SETD1A: variants seen among roughly 807,000 people sequenced by gnomAD.
SETD1A encodes SET domain containing 1A, histone lysine methyltransferase.
SETD1A carries 29 observed loss-of-function variants against 149.9 expected under a neutral mutation model. The observed-to-expected ratio is 0.19, with a 90% confidence interval of 0.14 to 0.26. SETD1A has a LOEUF of 0.26. SETD1A is among the 10% of genes least tolerant of loss of function. The probability of loss-of-function intolerance (pLI) is 1.00; values close to 1 mark genes in which losing one functional copy is unlikely to be tolerated. For missense variants in SETD1A, 2,109 were observed against 2,353.1 expected (o/e 0.90, Z 2.15); for synonymous variants, 1,141 against 968.5 (o/e 1.18, Z -3.31).
rs746152746 is a variant in SETD1A, at chr16:30,958,822, G to C, written c.91G>C (p.Ala31Pro). 5 of 1,614,074 alleles carry C rather than the reference G, an allele frequency of 3.1e-6. No individual in the cohort carries two copies. The highest frequency in any genetic ancestry group is 4.2e-6 in the Non-Finnish European group (5 of 1,180,020). Residue 31 changes from alanine (A) to proline (P), a missense_variant, in exon 2 of 19, where the codon GCC becomes CCC. Physicochemically the swap from Ala to Pro is conservative, Grantham distance 27. This residue lies in a region of SETD1A where 75 missense variants were observed against 95.3 expected (regional missense o/e 0.79). Transcript: ENST00000262519. ...CATCGTGGATCCTGCCTTGGACCCT[G>C]CCCTGCGCAGGCCTTCTCAGAAGGT... ...KLIVDPALDP[A>P]LRRPSQKVYR...
rs367667602 is a variant in SETD1A, at chr16:30,966,133, C to T, written c.2252C>T (p.Pro751Leu). Residue 751 changes from proline (P) to leucine (L), a missense_variant, in exon 8 of 19, where the codon CCC becomes CTC. Pro to Leu is a moderately conservative substitution (Grantham distance 98). Around this residue, in one of 8 missense-constraint regions of SETD1A, gnomAD observed 431 missense variants for 388.6 expected, o/e 1.11. Transcript: ENST00000262519. ...GAYSREAYHLPMPMAAEPLPS... is the reference protein window; with the variant it reads ...GAYSREAYHLLMPMAAEPLPS... ...TACTCACGGGAGGCCTACCACCTGC[C>T]CATGCCAATGGCAGCCGAGCCCCTG... 60 of 1,604,374 alleles carry T rather than the reference C, an allele frequency of 3.7e-5. No individual in the cohort carries two copies. Among genetic ancestry groups the T allele is most frequent in the Non-Finnish European group, 4.4e-5 (52 of 1,174,610 alleles).
Position 30,983,886 on chromosome 16 carries a change from CAGA to C in SETD1A, c.4994_4996del (p.Lys1665del), listed in dbSNP as rs775309574. 1 of 1,611,972 alleles carries C rather than the reference CAGA, an allele frequency of 6.2e-7. No homozygotes were observed. The highest frequency in any genetic ancestry group is 8.5e-7 in the Non-Finnish European group (1 of 1,178,946). ...CGCCAAGGTCATCACCATCGAGTCC[CAGA>C]AGAAGATCGTGATCTACTCCAAGCA... On this transcript the variant is annotated inframe_deletion, in exon 19 of 19. Transcript: ENST00000262519. This position sits in a 1 kb window ranked among gnomAD's most constrained non-coding sequence, Gnocchi z 6.8.
chr16:30,979,859 G>T lies in SETD1A; in HGVS notation c.4073G>T (p.Arg1358Leu). The change falls in exon 14 of 19, where the codon CGG becomes CTG. Residue 1358 changes from arginine (R) to leucine (L), a missense_variant. Arg to Leu is a moderately radical substitution (Grantham distance 102). Coordinates refer to ENST00000262519, the MANE Select transcript of SETD1A (RefSeq NM_014712.3). Reference protein sequence around the residue: ...EPKPQQLQQQREEGEEEGEEE... With the variant: ...EPKPQQLQQQLEEGEEEGEEE... ...AAGCCGCAGCAACTGCAGCAGCAGC[G>T]GGAGGAGGGCGAAGAGGAGGGGGAG... 6.5e-7 allele frequency: 1 copy of T among 1,541,244 alleles called. No homozygotes were observed.
At chr16:30,978,511 G>A (rs74015057) in intron 13 of SETD1A, among the ~76,000 whole-genome samples, 5 of 152,172 alleles carry the variant, frequency 3.3e-5, no homozygotes, top group East Asian at 1.9e-4. Flanking sequence ...CCAGCCACCC[G>A]CATCCTGGGA....
Position 30,964,901 on chromosome 16 carries a change from G to A in SETD1A, c.1159G>A (p.Ala387Thr), listed in dbSNP as rs749302606. 2.5e-6 allele frequency: 4 copies of A among 1,614,198 alleles called. No homozygotes were observed. Among genetic ancestry groups the A allele is most frequent in the Non-Finnish European group, 3.4e-6 (4 of 1,180,030 alleles). Residue 387 changes from alanine (A) to threonine (T), a missense_variant, in exon 7 of 19, where the codon GCC (alanine) becomes ACC (threonine). Physicochemically the swap from Ala to Thr is moderately conservative, Grantham distance 58. Transcript: ENST00000262519. ...QRHTSYPPRRATREEPPGAPF... is the reference protein window; with the variant it reads ...QRHTSYPPRRTTREEPPGAPF... ...CCATACTTCCTACCCACCACGCCGG[G>A]CCACACGGGAGGAACCCCCTGGAGC...
At chr16:30,970,598 C>T (rs1178173205) in intron 12 of SETD1A, among the ~76,000 whole-genome samples, 1 of 152,132 alleles carries the variant, frequency 6.6e-6, no homozygotes, top group Non-Finnish European at 1.5e-5. Context: ...ATTTCCCTGT[C>T]TCTCTTTCTG....
At position 30,966,087 on chromosome 16, in the gene SETD1A, G is replaced by A. The variant is rs936587574; in HGVS notation, c.2206G>A (p.Gly736Arg). The A allele has an allele frequency of 1.3e-6, 2 of 1,591,236 alleles. No individual in the cohort carries two copies. Among genetic ancestry groups the A allele is most frequent in the Admixed American group, 3.4e-5 (2 of 58,406 alleles). ...YGLPYALYAQ[G>R]QEGRGAYSRE... ...CTTGCCGTATGCTCTATATGCACAG[G>A]GGCAGGAGGGCAGAGGGGCATACTC... Residue 736 changes from glycine to arginine, a missense_variant, in exon 8 of 19, where the codon GGG becomes AGG. By Grantham distance (125) the Gly-to-Arg change is moderately radical. Coordinates refer to ENST00000262519, the MANE Select transcript of SETD1A (RefSeq NM_014712.3).
chr16:30,966,791 C>A, intron 8 of SETD1A, 93 bp from the exon 9 acceptor site: 1 of 1,352,464 alleles, frequency 7.4e-7, no homozygotes. Flanking sequence ...CAAGTAGATG[C>A]GTTCTGTATT....
intron 13 of SETD1A, among the ~76,000 whole-genome samples, chr16:30,976,585 A>G (rs940130628): frequency 2.0e-5 from 3 of 152,060 alleles, no homozygotes; most frequent in African/African-American, 7.2e-5. Flanking sequence ...GTGATGTGCT[A>G]GAGGGAAACT....
Position 30,965,906 on chromosome 16 carries a change from G to C in SETD1A, c.2025G>C (p.Gly675=), listed in dbSNP as rs1251796306. ...LMDRLGAQWG[G]MPMSFQMQTQ... ...ACCGACTTGGGGCTCAGTGGGGAGG[G>C]ATGCCCATGTCCTTCCAGATGCAGA... The change falls in exon 8 of 19, where the codon GGG becomes GGC. Residue 675 remains glycine (G), a synonymous_variant. Transcript: ENST00000262519. The C allele has an allele frequency of 6.2e-7, 1 of 1,613,256 alleles. No individual in the cohort carries two copies. Among genetic ancestry groups the C allele is most frequent in the Admixed American group, 1.7e-5 (1 of 59,906 alleles).
At position 30,961,738 on chromosome 16, in the gene SETD1A, C is replaced by T. The variant is rs1388529450; in HGVS notation, c.517+201C>T. Reference sequence around the variant, plus strand: ...GTGTGGTGTCTCCAGCAAGGTCGGGCAATAGGCCATAATCAAGCACATAAC... The same window carrying T: ...GTGTGGTGTCTCCAGCAAGGTCGGGTAATAGGCCATAATCAAGCACATAAC... On this transcript the variant is annotated intron_variant, in intron 4 of 18. Coordinates refer to ENST00000262519, the MANE Select transcript of SETD1A (RefSeq NM_014712.3). The surrounding 1 kb of genome is among the most constrained non-coding windows in gnomAD (Gnocchi z 4.0). 6.7e-6 allele frequency among the ~76,000 whole-genome samples: 1 copy of T among 148,602 alleles called. No individual in the cohort carries two copies. Among genetic ancestry groups the T allele is most frequent in the African/African-American group, 2.5e-5 (1 of 40,032 alleles).
Position 30,976,998 on chromosome 16 carries a change from A to G in SETD1A, c.3359-2147A>G, listed in dbSNP as rs142170967. Among the ~76,000 whole-genome samples the G allele has an allele frequency of 2.6e-5, 4 of 151,950 alleles. No individual in the cohort carries two copies. The East Asian group carries it at 7.8e-4, about 29-fold the overall frequency. ...GAGTCTCGCTTTGTCACCAGGCTGG[A>G]ATGCAGTGGTGCCATCTCGACTTAC... On this transcript the variant is annotated intron_variant, in intron 13 of 18. Coordinates refer to ENST00000262519, the MANE Select transcript of SETD1A (RefSeq NM_014712.3).
At position 30,966,060 on chromosome 16, in the gene SETD1A, G is replaced by A. The variant is rs758200839; in HGVS notation, c.2179G>A (p.Gly727Ser). The change falls in exon 8 of 19, where the codon GGC becomes AGC. Residue 727 changes from glycine (G) to serine (S), a missense_variant. By Grantham distance (56) the Gly-to-Ser change is moderately conservative (BLOSUM62 0). This residue lies in a region of SETD1A where 431 missense variants were observed against 388.6 expected (regional missense o/e 1.11). Coordinates refer to ENST00000262519, the MANE Select transcript of SETD1A (RefSeq NM_014712.3). ...TCCACCCCCGCAGGAGGCAGCCTAC[G>A]GCTTGCCGTATGCTCTATATGCACA... ...PFPPPQEAAY[G>S]LPYALYAQGQ... The A allele has an allele frequency of 3.1e-5, 49 of 1,576,420 alleles. No homozygotes were observed. The highest frequency in any genetic ancestry group is 6.7e-5 in the East Asian group (3 of 44,516).
intron 10 of SETD1A, among the ~76,000 whole-genome samples, chr16:30,968,364 C>T (rs991661077): frequency 2.0e-5 from 3 of 150,546 alleles, no homozygotes; most frequent in African/African-American, 7.4e-5. Context: ...GATTATGCCA[C>T]TGCACTTCAG....
At chr16:30,958,658 G>C (rs564465410) in intron 1 of SETD1A, 59 bp from the exon 2 acceptor site, 2 of 1,460,602 alleles carry the variant, frequency 1.4e-6, no homozygotes, top group East Asian at 2.3e-5. Context: ...AATGAGGAAA[G>C]GCAGGGGAGT....
At chr16:30,972,363 G>A (rs1453941381) in intron 13 of SETD1A, among the ~76,000 whole-genome samples, 1 of 152,200 alleles carries the variant, frequency 6.6e-6, no homozygotes, top group African/African-American at 2.4e-5. Context: ...GAGGCCGGGC[G>A]CGGTGGCTTA....
chr16:30,964,285 C>T lies in SETD1A; in HGVS notation c.831C>T (p.Gly277=), dbSNP rs1306978613. ...SSQGTPYTSR[G]STPYSQDSAY... ...AAGGAACCCCCTACACGTCTCGGGG[C>T]AGCACCCCCTACTCTCAGGACTCTG... Residue 277 remains glycine, a synonymous_variant, in exon 6 of 19, where the codon GGC becomes GGT. Coordinates refer to ENST00000262519, the MANE Select transcript of SETD1A (RefSeq NM_014712.3). The T allele has an allele frequency of 1.2e-6, 2 of 1,613,814 alleles. No individual in the cohort carries two copies. The highest frequency in any genetic ancestry group is 1.3e-5 in the African/African-American group (1 of 74,930).
chr16:30,959,606 G>A (rs183151013), intron 3 of SETD1A, among the ~76,000 whole-genome samples: 1 of 152,170 alleles, frequency 6.6e-6, no homozygotes, highest in East Asian at 1.9e-4. Context: ...TGTTTCCTTC[G>A]AGGACTCCTA....
chr16:30,959,356 C>A (rs2056014421), intron 3 of SETD1A, among the ~76,000 whole-genome samples, 170 bp downstream of exon 3: 1 of 152,160 alleles, frequency 6.6e-6, no homozygotes, highest in African/African-American at 2.4e-5. Flanking sequence ...CTTAATCTTC[C>A]AGAAAGGTGC....
Sources: gnomAD v4.1 joint callset for allele counts (sites outside exome capture counted in the v4.1 genomes callset) on GRCh38, gnomAD v4.1.1 for gene constraint, gnomAD v4.1.1 regional missense constraint, Gnocchi (gnomAD v3.1) non-coding constraint, MANE v1.5 for transcripts, NCBI Gene and HGNC (gene_info 2026-07-23, HGNC 2026-07-21) for gene names.